Variants in FBRS observed in about 807,000 individuals in gnomAD.
FBRS encodes the protein fibrosin, also known as probable fibrosin-1.
In FBRS, 15 loss-of-function variants were observed where a neutral mutation model predicts 86.1. The ratio of observed to expected loss-of-function variants is 0.17; its 90% CI spans 0.12 to 0.27. The LOEUF (loss-of-function observed/expected upper bound fraction) is 0.27, where lower values mean the gene tolerates loss of function less well. Ranked by LOEUF, FBRS falls within the 10% of genes least tolerant of loss-of-function variation. FBRS has a pLI of 1.00. For synonymous variants in FBRS, 666 were observed against 575.8 expected (o/e 1.16, Z -2.24); for missense variants, 1,367 against 1,301.6 (o/e 1.05, Z -0.77).
At chr16:30,662,511 G>A (rs754410494) in intron 5 of FBRS, 43 bp downstream of exon 5, 243 of 1,550,388 alleles carry the variant, frequency 1.6e-4, no homozygotes, top group Non-Finnish European at 1.6e-4. Flanking sequence ...GAGGGCAGTG[G>A]GGTGAGCATG....
chr16:30,668,991 A>ACCCCCCCCCCCCCCCCCCCCCCCCCCC lies in FBRS; in HGVS notation c.2366+15_2366+16insCCCCCCCCCCCCCCCCCCCCCCCCCCC. ...GAGGAGAAGGACAGGTGTGCCTCCCACCCACCCTGCCCCTGCCCCACCCTC... is the reference window on the plus strand; with the variant it reads ...GAGGAGAAGGACAGGTGTGCCTCCCACCCCCCCCCCCCCCCCCCCCCCCCCCCCCCACCCTGCCCCTGCCCCACCCTC... On this transcript the variant is annotated intron_variant, in intron 17 of 17. Coordinates refer to ENST00000356166, the MANE Select transcript of FBRS (RefSeq NM_001105079.3). 1.4e-6 allele frequency: 1 copy of ACCCCCCCCCCCCCCCCCCCCCCCCCCC among 704,520 alleles called. No individual in the cohort carries two copies. The allele number at this position is 704,520 out of a possible 1,614,324, so 43.6% of individuals were successfully genotyped here.
intron 1 of FBRS, 63 bp downstream of exon 1, chr16:30,660,040 G>T: frequency 6.6e-7 from 1 of 1,517,436 alleles, no homozygotes; most frequent in Middle Eastern, 2.0e-4. Flanking sequence ...AGGGGGCAGT[G>T]CCCCTAGTGG....
At position 30,665,647 on chromosome 16, in the gene FBRS, C is replaced by A. The variant is rs527915757; in HGVS notation, c.1714C>A (p.Pro572Thr). 8.2e-6 allele frequency: 13 copies of A among 1,589,194 alleles called. No homozygotes were observed. In the Admixed American group the frequency reaches 2.0e-4, roughly 24 times the overall value. Residue 572 changes from proline (P) to threonine (T), a missense_variant, in exon 11 of 18, where the codon CCT (proline) becomes ACT (threonine). Coordinates refer to ENST00000356166, the MANE Select transcript of FBRS (RefSeq NM_001105079.3). The surrounding 1 kb of genome is among the most constrained non-coding windows in gnomAD (Gnocchi z 4.1). ...CACTCCCCTTTCCCAGAGCACGAAC[C>A]CTGAGCTGCCACCACGACTGGGGCC... ...QGAFQPKSTN[P>T]ELPPRLGPVP...
At chr16:30,666,245 C>T (rs1184723152) in intron 11 of FBRS, 1 of 585,542 alleles carries the variant, frequency 1.7e-6, no homozygotes, top group Non-Finnish European at 3.0e-6. Flanking sequence ...GAGAGCTTCT[C>T]TGAGAAACCT....
At position 30,662,846 on chromosome 16, in the gene FBRS, C is replaced by T. The variant is rs2052477890; in HGVS notation, c.1042C>T (p.Leu348Phe). ...TTCTCCATATGGCAGCAGCCTGGAC[C>T]TCAGCACTGGCAGGTGAGTGGTCTT... ...RTSPYGSSLD[L>F]STGSSSRPPP... The change falls in exon 6 of 18, where the codon CTC (leucine) becomes TTC (phenylalanine). Residue 348 changes from leucine to phenylalanine, a missense_variant. Physicochemically the swap from Leu to Phe is conservative, Grantham distance 22. This residue lies in a region of FBRS where 702 missense variants were observed against 598.7 expected (regional missense o/e 1.17). Transcript: ENST00000356166. 6.9e-7 allele frequency: 1 copy of T among 1,450,678 alleles called. No individual in the cohort carries two copies. Among genetic ancestry groups the T allele is most frequent in the Non-Finnish European group, 9.1e-7 (1 of 1,097,462 alleles). The allele number at this position is 1,450,678 out of a possible 1,614,324, so 89.9% of individuals were successfully genotyped here. A position where few individuals can be genotyped will look rare whatever the true frequency, so the allele number is the denominator to read the frequency against.
chr16:30,660,855 G>C (rs1344907485), intron 2 of FBRS, among the ~76,000 whole-genome samples: 1 of 152,192 alleles, frequency 6.6e-6, no homozygotes, highest in African/African-American at 2.4e-5. Context: ...GAAGCCGCTT[G>C]TGCTGCCTGG....
Position 30,659,487 on chromosome 16 carries a change from C to A in FBRS, c.-32C>A, listed in dbSNP as rs1029319440. ...GCGGACAGGCCGCTTCGGGCCCCGC[C>A]GCCTCCGGATGCGGCGCTGAGGGCG... On this transcript the variant is annotated 5_prime_UTR_variant, in exon 1 of 18. Coordinates refer to ENST00000356166, the MANE Select transcript of FBRS (RefSeq NM_001105079.3). 1 of 282,328 alleles carries A rather than the reference C, an allele frequency of 3.5e-6. No homozygotes were observed. Among genetic ancestry groups the A allele is most frequent in the South Asian group, 1.6e-4 (1 of 6,440 alleles). The allele number at this position is 282,328 out of a possible 1,614,324, so 17.5% of individuals were successfully genotyped here.
At chr16:30,661,647 T>G (rs2052463080) in intron 4 of FBRS, among the ~76,000 whole-genome samples, 1 of 152,132 alleles carries the variant, frequency 6.6e-6, no homozygotes, top group Non-Finnish European at 1.5e-5. Context: ...GAGATGGGCC[T>G]TCTTCCCATC....
Position 30,665,472 on chromosome 16 carries a change from C to T in FBRS, c.1704+71C>T, listed in dbSNP as rs1362463896. ...ACCCAGACACGCCGGGTCCAAGCAC[C>T]CTTCTCCCATTCCCCAAAGTCGTGC... is the stretch of plus-strand genomic sequence containing the variant. On this transcript the variant is annotated intron_variant, in intron 10 of 17. Transcript: ENST00000356166. The surrounding 1 kb of genome is among the most constrained non-coding windows in gnomAD (Gnocchi z 4.1). 26 of 1,472,112 alleles carry T rather than the reference C, an allele frequency of 1.8e-5. No individual in the cohort carries two copies. In the South Asian group the frequency reaches 2.7e-4, roughly 15 times the overall value. The allele number at this position is 1,472,112 out of a possible 1,614,324, so 91.2% of individuals were successfully genotyped here.
rs896001074 is a variant in FBRS at position 30,670,619 on chromosome 16, A to AGGCAGCTTCTTC, written c.*981_*992dup. 1.9e-5 allele frequency: 3 copies of AGGCAGCTTCTTC among 159,620 alleles called. No individual in the cohort carries two copies. Among genetic ancestry groups the AGGCAGCTTCTTC allele is most frequent in the Non-Finnish European group, 4.2e-5 (3 of 71,402 alleles). 9.9% of individuals were successfully genotyped at this position (159,620 alleles called of 1,614,324 possible). On this transcript the variant is annotated 3_prime_UTR_variant, in exon 18 of 18. Coordinates refer to ENST00000356166, the MANE Select transcript of FBRS (RefSeq NM_001105079.3). ...GGGTCGGCCCAGGGGTGGGCGACAC[A>AGGCAGCTTCTTC]GGCAGCTTCTTCGGCAGCCTCACGG...
At chr16:30,662,506 C>T (rs2052473288) in intron 5 of FBRS, 38 bp downstream of exon 5, 9 of 1,550,414 alleles carry the variant, frequency 5.8e-6, no homozygotes, top group Non-Finnish European at 6.1e-6. Flanking sequence ...CACGGGAGGG[C>T]AGTGGGGTGA....
At position 30,668,987 on chromosome 16, in the gene FBRS, T is replaced by TGGCCCCCCCCCCCCCCCCCCCCCCC; in HGVS notation, c.2366+8_2366+9insGGCCCCCCCCCCCCCCCCCCCCCCC. On this transcript the variant is annotated intron_variant, in intron 17 of 17. Transcript: ENST00000356166. ...CAAGGAGGAGAAGGACAGGTGTGCC[T>TGGCCCCCCCCCCCCCCCCCCCCCCC]CCCACCCACCCTGCCCCTGCCCCAC... 1 of 1,481,118 alleles carries TGGCCCCCCCCCCCCCCCCCCCCCCC rather than the reference T, an allele frequency of 6.8e-7. No homozygotes were observed. The highest frequency in any genetic ancestry group is 9.2e-7 in the Non-Finnish European group (1 of 1,088,968). 91.7% of individuals were successfully genotyped at this position (1,481,118 alleles called of 1,614,324 possible).
intron 2 of FBRS, among the ~76,000 whole-genome samples, chr16:30,660,776 A>G (rs67128646): frequency 2.0e-5 from 3 of 151,944 alleles, no homozygotes; most frequent in African/African-American, 7.3e-5. Flanking sequence ...GCAAGCAAAC[A>G]CCTAGACCTT....
rs553307805 is a variant in FBRS, at chr16:30,662,813, C to T, written c.1009C>T (p.Leu337Phe). Residue 337 changes from leucine to phenylalanine, a missense_variant, in exon 6 of 18, where the codon CTC becomes TTC. By Grantham distance (22) the Leu-to-Phe change is conservative. This residue lies in a region of FBRS where 702 missense variants were observed against 598.7 expected (regional missense o/e 1.17). Coordinates refer to ENST00000356166, the MANE Select transcript of FBRS (RefSeq NM_001105079.3). ...QLQLRVSPFG[L>F]RTSPYGSSLD... is the part of the protein sequence containing the mutation. The stretch of plus-strand genomic sequence containing the variant: ...GCAGCTTCGGGTCTCACCCTTCGGC[C>T]TCCGCACTTCTCCATATGGCAGCAG... 2.0e-6 allele frequency: 3 copies of T among 1,471,740 alleles called. No individual in the cohort carries two copies. Among genetic ancestry groups the T allele is most frequent in the East Asian group, 2.5e-5 (1 of 40,098 alleles). 91.2% of individuals were successfully genotyped at this position (1,471,740 alleles called of 1,614,324 possible).
intron 2 of FBRS, chr16:30,660,730 C>G: frequency 2.1e-6 from 1 of 474,534 alleles, no homozygotes; most frequent in Non-Finnish European, 3.5e-6. Context: ...TGCCCTTCCT[C>G]GAGGTGGTGG....
chr16:30,659,693 T>C lies in FBRS; in HGVS notation c.175T>C (p.Ser59Pro). 4.3e-6 allele frequency: 4 copies of C among 920,348 alleles called. No individual in the cohort carries two copies. Among genetic ancestry groups the C allele is most frequent in the Non-Finnish European group, 6.3e-6 (4 of 633,152 alleles). 57.0% of individuals were successfully genotyped at this position (920,348 alleles called of 1,614,324 possible). Residue 59 changes from serine to proline, a missense_variant, in exon 1 of 18, where the codon TCG becomes CCG. Coordinates refer to ENST00000356166, the MANE Select transcript of FBRS (RefSeq NM_001105079.3). ...CCCGCGCGGCTCCTCGTCCTCGTCG[T>C]CGCCGCCGCCGCCCGCCAGGCCTTG... The part of the protein sequence containing the change: ...AAPRGSSSSS[S>P]PPPPARPWSS...
rs1370355396 is a variant in FBRS, at chr16:30,665,019, C to T, written c.1564-16C>T. On this transcript the variant is annotated splice_polypyrimidine_tract_variant and intron_variant, in intron 8 of 17. Transcript: ENST00000356166. The surrounding 1 kb of genome is among the most constrained non-coding windows in gnomAD (Gnocchi z 4.1). ...GGTCCCTGGCTGGCAGCTTACTCTT[C>T]CCTTCTCTTCCCTAGTTTGAGAAAT... is the stretch of plus-strand genomic sequence containing the variant. 1.2e-6 allele frequency: 2 copies of T among 1,612,980 alleles called. No individual in the cohort carries two copies. The highest frequency in any genetic ancestry group is 1.7e-6 in the Non-Finnish European group (2 of 1,179,398).
In FBRS at chr16:30,659,846, G is replaced by A; in HGVS notation, c.328G>A (p.Glu110Lys). The A allele has an allele frequency of 6.5e-7, 1 of 1,527,164 alleles. No individual in the cohort carries two copies. The highest frequency in any genetic ancestry group is 8.8e-7 in the Non-Finnish European group (1 of 1,138,504). The allele number at this position is 1,527,164 out of a possible 1,614,324, so 94.6% of individuals were successfully genotyped here. The change falls in exon 1 of 18, where the codon GAG becomes AAG. Residue 110 changes from glutamate to lysine, a missense_variant. Physicochemically the swap from Glu to Lys is moderately conservative, Grantham distance 56. This residue lies in a region of FBRS where 702 missense variants were observed against 598.7 expected (regional missense o/e 1.17). Coordinates refer to ENST00000356166, the MANE Select transcript of FBRS (RefSeq NM_001105079.3). The stretch of plus-strand genomic sequence containing the variant: ...CTCGGGCAGCCGCGGGGAGGAAGAG[G>A]AGGAGGAGGAGGAGGAGGGGGGCGC... ...AGSGSRGEEE[E>K]EEEEEGGADD... is the part of the protein sequence containing the mutation.
Position 30,670,333 on chromosome 16 carries a change from TG to T in FBRS, c.*690del. 1 of 384,438 alleles carries T rather than the reference TG, an allele frequency of 2.6e-6. No individual in the cohort carries two copies. Among genetic ancestry groups the T allele is most frequent in the Non-Finnish European group, 5.1e-6 (1 of 195,620 alleles). 23.8% of individuals were successfully genotyped at this position (384,438 alleles called of 1,614,324 possible). The stretch of plus-strand genomic sequence containing the variant: ...GGGGGCAGGACCTGGGGACCTGGGC[TG>T]GAGGGAAGGGCAGAAGCTTCCTACT... On this transcript the variant is annotated 3_prime_UTR_variant, in exon 18 of 18. Transcript: ENST00000356166.
Sources: gnomAD v4.1 joint callset for allele counts (sites outside exome capture counted in the v4.1 genomes callset) on GRCh38, gnomAD v4.1.1 for gene constraint, gnomAD v4.1.1 regional missense constraint, Gnocchi (gnomAD v3.1) non-coding constraint, MANE v1.5 for transcripts, NCBI Gene and HGNC (gene_info 2026-07-23, HGNC 2026-07-21) for gene names.